GABBR2: variants seen among roughly 807,000 people sequenced by gnomAD.
GABBR2 encodes gamma-aminobutyric acid type B receptor subunit 2.
GABBR2 carries 23 observed loss-of-function variants against 105.6 expected under a neutral mutation model. That is an observed-to-expected ratio of 0.22 (90% CI 0.16 to 0.31). The LOEUF (loss-of-function observed/expected upper bound fraction) is 0.31. GABBR2 is among the 10% of genes least tolerant of loss of function. The pLI, the probability that GABBR2 is intolerant of heterozygous loss-of-function variation, is 1.00. For missense variants in GABBR2, 734 were observed against 1,245.5 expected (o/e 0.59, Z 6.18); for synonymous variants, 478 against 499.7 (o/e 0.96, Z 0.58).
At chr9:98,585,019 C>T (rs2131787981) in intron 1 of GABBR2, among the ~76,000 whole-genome samples, 1 of 152,314 alleles carries the variant, frequency 6.6e-6, no homozygotes. Context: ...TCAGGCTAAA[C>T]TACCCTTAGC....
At chr9:98,416,398 T>A (rs549218481) in intron 7 of GABBR2, among the ~76,000 whole-genome samples, 30 of 152,340 alleles carry the variant, frequency 2.0e-4, no homozygotes, top group Non-Finnish European at 3.8e-4. Flanking sequence ...ACCTACTGTT[T>A]CTCAGCTCCC....
intron 1 of GABBR2, among the ~76,000 whole-genome samples, chr9:98,612,938 G>A (rs1475216579): frequency 1.3e-5 from 2 of 152,212 alleles, no homozygotes; most frequent in Admixed American, 6.5e-5. Flanking sequence ...AGCAGAGCAG[G>A]TAGAGAAGGG....
chr9:98,427,425 C>T (rs1463414420), intron 7 of GABBR2, among the ~76,000 whole-genome samples: 1 of 152,184 alleles, frequency 6.6e-6, no homozygotes, highest in East Asian at 1.9e-4. Flanking sequence ...TGCCAATGCA[C>T]TTCAGAGTGC....
At chr9:98,506,238 T>C (rs871797) in intron 3 of GABBR2, among the ~76,000 whole-genome samples, 146,326 of 152,248 alleles carry the variant, frequency 0.96, 70,374 homozygotes, top group African/African-American at 0.99. Flanking sequence ...TGAGTTGACT[T>C]GCAAAGAGAT....
At chr9:98,451,432 T>G (rs2131599950) in intron 7 of GABBR2, among the ~76,000 whole-genome samples, 1 of 151,932 alleles carries the variant, frequency 6.6e-6, no homozygotes, top group African/African-American at 2.4e-5. Flanking sequence ...ATTGTGGGAG[T>G]GAATTTTTCA....
At chr9:98,680,991 G>A (rs948499721) in intron 1 of GABBR2, among the ~76,000 whole-genome samples, 17 of 152,240 alleles carry the variant, frequency 1.1e-4, no homozygotes, top group Non-Finnish European at 2.1e-4. Context: ...ATTACTGTTG[G>A]TGGGACTGTA....
intron 6 of GABBR2, among the ~76,000 whole-genome samples, chr9:98,455,466 C>T (rs770096820): frequency 2.6e-4 from 39 of 152,186 alleles, no homozygotes; most frequent in Non-Finnish European, 4.4e-4. Flanking sequence ...CTGAGAAGGG[C>T]CCCTTAGGGA....
At chr9:98,580,520 G>A (rs1308675654) in intron 1 of GABBR2, among the ~76,000 whole-genome samples, 1 of 152,186 alleles carries the variant, frequency 6.6e-6, no homozygotes, top group Non-Finnish European at 1.5e-5. Context: ...AGGCGCGAAG[G>A]CTCACGCCCG....
At chr9:98,603,810 G>C (rs561343655) in intron 1 of GABBR2, among the ~76,000 whole-genome samples, 1 of 152,152 alleles carries the variant, frequency 6.6e-6, no homozygotes. Flanking sequence ...GAATATTCTG[G>C]TTCTTACTTC....
At chr9:98,544,336 C>T (rs1054052078) in intron 2 of GABBR2, among the ~76,000 whole-genome samples, 1 of 152,156 alleles carries the variant, frequency 6.6e-6, no homozygotes, top group African/African-American at 2.4e-5. Flanking sequence ...AGAGGGTAGA[C>T]AGCCACTCTC....
Position 98,473,948 on chromosome 9 carries a change from G to C in GABBR2, c.799-602C>G, listed in dbSNP as rs559165933. 3.3e-5 allele frequency among the ~76,000 whole-genome samples: 5 copies of C among 152,162 alleles called. No individual in the cohort carries two copies. In the South Asian group the frequency reaches 8.3e-4, roughly 25 times the overall value. On this transcript the variant is annotated intron_variant, in intron 5 of 18. Coordinates refer to ENST00000259455, the MANE Select transcript of GABBR2 (RefSeq NM_005458.8). The stretch of plus-strand genomic sequence containing the variant: ...AACCCAGGGGGAATAATTTTTAAGG[G>C]GCCAAGGCAATTTAATCTAAGTGTG...
At chr9:98,678,955 T>C (rs1830507690) in intron 1 of GABBR2, among the ~76,000 whole-genome samples, 1 of 152,216 alleles carries the variant, frequency 6.6e-6, no homozygotes, top group African/African-American at 2.4e-5. Flanking sequence ...AAATCATTTG[T>C]ATGGAAGAGG....
chr9:98,473,076 G>C (rs1359595839), intron 6 of GABBR2, 70 bp downstream of exon 6: 2 of 1,166,220 alleles, frequency 1.7e-6, no homozygotes, highest in Admixed American at 1.8e-5. Flanking sequence ...TGCTCTTTTG[G>C]CCAATGTCAT....
chr9:98,481,492 C>T lies in GABBR2; in HGVS notation c.733-495G>A, dbSNP rs939182199. Among the ~76,000 whole-genome samples, 4 of 152,208 alleles carry T rather than the reference C, an allele frequency of 2.6e-5. 1 individual carries two copies. The highest frequency in any genetic ancestry group is 9.7e-5 in the African/African-American group (4 of 41,440). On this transcript the variant is annotated intron_variant, in intron 4 of 18. Coordinates refer to ENST00000259455, the MANE Select transcript of GABBR2 (RefSeq NM_005458.8). ...TGCTGCCCTGCACAGTGTTCTAGCCCTTTCTACCTTCCTGATAGTTAATCC... is the reference window on the plus strand; with the variant it reads ...TGCTGCCCTGCACAGTGTTCTAGCCTTTTCTACCTTCCTGATAGTTAATCC...
At chr9:98,684,167 G>A (rs1447317710) in intron 1 of GABBR2, among the ~76,000 whole-genome samples, 9 of 6,560 alleles carry the variant, frequency 1.4e-3, no homozygotes, top group East Asian at 4.2e-3. Flanking sequence ...ATTTTACCAC[G>A]GTAAAAAAAA....
At chr9:98,457,786 C>T (rs1038466679) in intron 6 of GABBR2, among the ~76,000 whole-genome samples, 1 of 152,174 alleles carries the variant, frequency 6.6e-6, no homozygotes, top group Non-Finnish European at 1.5e-5. Context: ...AGCACCAACT[C>T]CCTTGGGCAA....
intron 7 of GABBR2, among the ~76,000 whole-genome samples, chr9:98,442,574 T>C (rs981638186): frequency 4.6e-5 from 7 of 152,232 alleles, no homozygotes; most frequent in Admixed American, 2.0e-4. Flanking sequence ...ACCTCTTAGC[T>C]GCAAAACAGT....
Position 98,678,535 on chromosome 9 carries a change from C to T in GABBR2, c.321+29882G>A, listed in dbSNP as rs548769774. On this transcript the variant is annotated intron_variant, in intron 1 of 18. Transcript: ENST00000259455. ...AGCACTTGACAAGCACTTTATGTCC[C>T]GCAATTTAAATGTCTATGGCATTGT... 2.6e-5 allele frequency among the ~76,000 whole-genome samples: 4 copies of T among 152,254 alleles called. No homozygotes were observed. In the South Asian group the frequency reaches 6.2e-4, roughly 24 times the overall value.
At chr9:98,468,252 A>G (rs1383568194) in intron 6 of GABBR2, among the ~76,000 whole-genome samples, 1 of 152,150 alleles carries the variant, frequency 6.6e-6, no homozygotes, top group African/African-American at 2.4e-5. Flanking sequence ...TGAGCTGGGG[A>G]CAGCTGGATG....
Sources: allele counts gnomAD v4.1 joint callset (sites outside exome capture counted in the v4.1 genomes callset), GRCh38; gene constraint gnomAD v4.1.1; transcripts MANE v1.5; gene names NCBI Gene and HGNC (gene_info 2026-07-23, HGNC 2026-07-21).